The following RHOT1 variants were observed in gnomAD, a reference collection of about 807,000 sequenced individuals.
RHOT1 encodes mitochondrial Rho GTPase 1.
Under a neutral mutation model 95.3 loss-of-function variants are expected in RHOT1, and 27 were observed. The observed-to-expected ratio is 0.28, with a 90% confidence interval of 0.21 to 0.39. RHOT1 has a LOEUF of 0.39. Ranked by LOEUF, RHOT1 falls within the 10% of genes least tolerant of loss-of-function variation. The pLI is 1.00. For missense variants in RHOT1, 578 were observed against 786.7 expected (o/e 0.73, Z 3.17); for synonymous variants, 227 against 263.5 (o/e 0.86, Z 1.34).
intron 8 of RHOT1, among the ~76,000 whole-genome samples, chr17:32,191,007 C>G (rs1489286611): frequency 6.6e-6 from 1 of 152,194 alleles, no homozygotes; most frequent in East Asian, 1.9e-4. Context: ...GTTAGCCAGG[C>G]TGGTCTCGAA....
At chr17:32,207,070 A>G (rs902988592) in intron 17 of RHOT1, 41 bp downstream of exon 17, 2 of 1,561,018 alleles carry the variant, frequency 1.3e-6, no homozygotes, top group Non-Finnish European at 1.7e-6. Flanking sequence ...GTAACTTCAT[A>G]TGGACTTTTT....
intron 16 of RHOT1, among the ~76,000 whole-genome samples, chr17:32,205,465 A>G (rs373779533): frequency 2.0e-5 from 3 of 152,340 alleles, no homozygotes; most frequent in South Asian, 4.1e-4. Context: ...TGTAATCTGA[A>G]TCAAGTTTAT....
In RHOT1 at chr17:32,219,994, A is replaced by C. The variant is rs945974243; in HGVS notation, c.1863-4622A>C. On this transcript the variant is annotated intron_variant, in intron 19 of 19. Transcript: ENST00000545287. ...ACACATTTTTGACCTTGTAACATTT[A>C]ATTCTGGAAAGTCTATCTTAATGAA... 3.3e-5 allele frequency among the ~76,000 whole-genome samples: 5 copies of C among 152,230 alleles called. 1 individual carries two copies. Among genetic ancestry groups the C allele is most frequent in the Admixed American group, 3.3e-4 (5 of 15,288 alleles).
intron 1 of RHOT1, among the ~76,000 whole-genome samples, chr17:32,153,429 C>T (rs920992141): frequency 2.0e-5 from 3 of 152,036 alleles, no homozygotes; most frequent in East Asian, 1.9e-4. Flanking sequence ...GAGGCCAATG[C>T]AGGAGGATAG....
chr17:32,223,558 G>T (rs2038960473), intron 19 of RHOT1, among the ~76,000 whole-genome samples: 1 of 151,800 alleles, frequency 6.6e-6, no homozygotes, highest in Non-Finnish European at 1.5e-5. Flanking sequence ...GGGATTACAG[G>T]CACCCACCAC....
At chr17:32,205,858 C>T (rs1348982635) in intron 16 of RHOT1, among the ~76,000 whole-genome samples, 1 of 152,148 alleles carries the variant, frequency 6.6e-6, no homozygotes, top group African/African-American at 2.4e-5. Flanking sequence ...GAATTTTACT[C>T]TTGTTGGAGA....
intron 19 of RHOT1, among the ~76,000 whole-genome samples, chr17:32,220,249 C>A (rs1386059907): frequency 3.3e-5 from 5 of 152,156 alleles, no homozygotes; most frequent in Admixed American, 6.5e-5. Context: ...GTAGTCCCAG[C>A]TACTTATGTG....
intron 1 of RHOT1, among the ~76,000 whole-genome samples, chr17:32,163,922 C>T (rs531107128): frequency 4.8e-4 from 73 of 151,806 alleles, no homozygotes; most frequent in Admixed American, 2.2e-3. Context: ...TTTGGGAGGC[C>T]GAGGCAGGTG....
intron 1 of RHOT1, among the ~76,000 whole-genome samples, chr17:32,169,070 A>C (rs1264154523): frequency 6.6e-6 from 1 of 152,104 alleles, no homozygotes; most frequent in Non-Finnish European, 1.5e-5. Context: ...AAATCATCTG[A>C]TCTATCCCTC....
intron 1 of RHOT1, among the ~76,000 whole-genome samples, chr17:32,157,770 G>T (rs999243997): frequency 4.0e-5 from 6 of 151,694 alleles, no homozygotes; most frequent in African/African-American, 7.3e-5. Flanking sequence ...TCATGCCATT[G>T]TACTCCAGCC....
At chr17:32,221,021 A>G in intron 19 of RHOT1, 1 of 952,778 alleles carries the variant, frequency 1.0e-6, no homozygotes, top group Non-Finnish European at 1.2e-6. Context: ...AGTCATTTTG[A>G]AAGAATTATG....
At chr17:32,215,140 A>G (rs774442808) in intron 19 of RHOT1, among the ~76,000 whole-genome samples, 6 of 151,916 alleles carry the variant, frequency 3.9e-5, no homozygotes, top group Admixed American at 1.3e-4. Flanking sequence ...GTGGTCTGCC[A>G]GCCTCAGCCT....
At chr17:32,206,204 T>A (rs1463605829) in intron 16 of RHOT1, among the ~76,000 whole-genome samples, 1 of 137,354 alleles carries the variant, frequency 7.3e-6, no homozygotes, top group East Asian at 2.0e-4. Flanking sequence ...TTTTTTTTTT[T>A]TTTTTTTTTT....
At chr17:32,152,162 T>C (rs2032390419) in intron 1 of RHOT1, among the ~76,000 whole-genome samples, 1 of 152,232 alleles carries the variant, frequency 6.6e-6, no homozygotes, top group African/African-American at 2.4e-5. Flanking sequence ...TGTCTGTATG[T>C]TCAAGCGTGA....
At chr17:32,155,808 C>G (rs2032908198) in intron 1 of RHOT1, among the ~76,000 whole-genome samples, 1 of 152,094 alleles carries the variant, frequency 6.6e-6, no homozygotes, top group Admixed American at 6.5e-5. Flanking sequence ...TCCCAAACTG[C>G]TGGGATTACA....
Position 32,200,990 on chromosome 17 carries a change from G to C in RHOT1, c.1135G>C (p.Glu379Gln). Residue 379 changes from glutamate to glutamine, a missense_variant, in exon 14 of 20, where the codon GAA (glutamate) becomes CAA (glutamine). Glu to Gln is a conservative substitution (Grantham distance 29, BLOSUM62 2). Around this residue, in one of 4 missense-constraint regions of RHOT1, gnomAD observed 296 missense variants for 338.5 expected, o/e 0.87. Coordinates refer to ENST00000545287, the MANE Select transcript of RHOT1 (RefSeq NM_001033566.3). ...TTATTTAGATGTACAGCGGTGCCTG[G>C]AATATTTGGGCTATCTAGGCTATTC... ...TTYLDVQRCLEYLGYLGYSIL... is the reference protein window; with the variant it reads ...TTYLDVQRCLQYLGYLGYSIL... 6.2e-7 allele frequency: 1 copy of C among 1,612,586 alleles called. No individual in the cohort carries two copies. Among genetic ancestry groups the C allele is most frequent in the Non-Finnish European group, 8.5e-7 (1 of 1,179,312 alleles).
intron 8 of RHOT1, among the ~76,000 whole-genome samples, chr17:32,184,640 G>A (rs1009686754): frequency 4.6e-5 from 7 of 151,728 alleles, no homozygotes; most frequent in South Asian, 2.1e-4. Flanking sequence ...GTAGGCATTC[G>A]CCACCGTGCC....
Position 32,224,791 on chromosome 17 carries a change from C to CT in RHOT1, c.*61dup. ...AATACTTTTATGTACATTCTGAATG[C>CT]TTTAAGTTCTGCTAGAATTATTGAG... On this transcript the variant is annotated 3_prime_UTR_variant, in exon 20 of 20. Transcript: ENST00000545287. 1.0e-6 allele frequency: 1 copy of CT among 977,714 alleles called. No individual in the cohort carries two copies. Among genetic ancestry groups the CT allele is most frequent in the Admixed American group, 2.1e-5 (1 of 48,618 alleles). 60.6% of individuals were successfully genotyped at this position (977,714 alleles called of 1,614,324 possible). A position where few individuals can be genotyped will look rare whatever the true frequency, so the allele number is the denominator to read the frequency against.
intron 18 of RHOT1, chr17:32,209,066 CTA>C (rs921576577): frequency 5.6e-6 from 1 of 177,106 alleles, no homozygotes; most frequent in African/African-American, 2.4e-5. Flanking sequence ...ATGTTAGTCT[CTA>C]AATTATTTTT....
Sources: gnomAD v4.1 joint callset for allele counts (sites outside exome capture counted in the v4.1 genomes callset) on GRCh38, gnomAD v4.1.1 for gene constraint, gnomAD v4.1.1 regional missense constraint, MANE v1.5 for transcripts, NCBI Gene and HGNC (gene_info 2026-07-23, HGNC 2026-07-21) for gene names.